Variants in C10orf143 observed in about 807,000 individuals in gnomAD.
The protein encoded by C10orf143 is chromosome 10 open reading frame 143.
At chr10:130,101,738 T>C (rs558105990) in intron 1 of C10orf143, among the ~76,000 whole-genome samples, 14 of 150,866 alleles carry the variant, frequency 9.3e-5, no homozygotes, top group Non-Finnish European at 2.1e-4. Flanking sequence ...CAAGCATCTG[T>C]AGTCCCAGCT....
At chr10:130,079,174 G>A (rs1362128397) in intron 3 of C10orf143, among the ~76,000 whole-genome samples, 1 of 152,150 alleles carries the variant, frequency 6.6e-6, no homozygotes, top group African/African-American at 2.4e-5. Flanking sequence ...GTTTATGATA[G>A]AAACATGCAA....
chr10:130,088,025 T>C (rs528943637), intron 1 of C10orf143, among the ~76,000 whole-genome samples: 4 of 152,216 alleles, frequency 2.6e-5, no homozygotes, highest in African/African-American at 9.6e-5. Context: ...ATTAAGCATA[T>C]GTATTACATG....
chr10:130,073,160 GT>G (rs1564960104), intron 3 of C10orf143, among the ~76,000 whole-genome samples: 2 of 152,272 alleles, frequency 1.3e-5, no homozygotes, highest in South Asian at 4.1e-4. Context: ...CTCCGTGGGG[GT>G]TGTTTTATCT....
In C10orf143 at chr10:130,093,469, C is replaced by A. The variant is rs1390794843; in HGVS notation, c.70-13568G>T. The stretch of plus-strand genomic sequence containing the variant: ...TGCCACAGGAGAAAGTGGGAAAGAT[C>A]AAAAATTGACATCCTACCATCACAA... On this transcript the variant is annotated intron_variant, in intron 1 of 3. Coordinates refer to ENST00000637128, the MANE Select transcript of C10orf143 (RefSeq NM_001355042.2). Among the ~76,000 whole-genome samples the A allele has an allele frequency of 3.3e-5, 5 of 152,176 alleles. No individual in the cohort carries two copies. The East Asian group carries it at 7.7e-4, about 24-fold the overall frequency.
intron 3 of C10orf143, among the ~76,000 whole-genome samples, chr10:130,078,817 T>C (rs1040350974): frequency 6.6e-6 from 1 of 152,176 alleles, no homozygotes; most frequent in African/African-American, 2.4e-5. Context: ...AATACATTTC[T>C]CTAAAGATCT....
intron 1 of C10orf143, among the ~76,000 whole-genome samples, chr10:130,109,962 A>G (rs1168535087): frequency 6.6e-6 from 1 of 152,088 alleles, no homozygotes; most frequent in Admixed American, 6.5e-5. Context: ...GCAGAGGTGG[A>G]AGATAAAATA....
chr10:130,043,308 C>T (rs911287585), intron 3 of C10orf143, among the ~76,000 whole-genome samples: 7 of 152,020 alleles, frequency 4.6e-5, no homozygotes, highest in Admixed American at 1.3e-4. Context: ...GAAGAGAACG[C>T]GTTAACATAT....
intron 3 of C10orf143, among the ~76,000 whole-genome samples, chr10:130,077,479 T>G (rs2764369): frequency 0.6 from 91,464 of 152,066 alleles, 28,227 homozygotes; most frequent in Admixed American, 0.71. Flanking sequence ...CATTAGGAAT[T>G]CCACACAAAC....
At chr10:130,107,404 C>A in intron 1 of C10orf143, 1 of 1,180,120 alleles carries the variant, frequency 8.5e-7, no homozygotes, top group Non-Finnish European at 1.3e-6. Context: ...AGATTATTTC[C>A]CATGAGAAAA....
chr10:130,106,744 C>T lies in C10orf143; in HGVS notation c.69+3960G>A, dbSNP rs753663063. 10 of 1,249,654 alleles carry T rather than the reference C, an allele frequency of 8.0e-6. 1 individual carries two copies. The highest frequency in any genetic ancestry group is 1.2e-5 in the Non-Finnish European group (10 of 852,390). 77.4% of individuals were successfully genotyped at this position (1,249,654 alleles called of 1,614,324 possible). On this transcript the variant is annotated intron_variant, in intron 1 of 3. Coordinates refer to ENST00000637128, the MANE Select transcript of C10orf143 (RefSeq NM_001355042.2). ...TTTTGCAAGAAGCTGAAGTATGGAA[C>T]GAACAAGTGAATGAACTTAATAAAC...
chr10:130,096,073 C>T (rs1378256951), intron 1 of C10orf143, among the ~76,000 whole-genome samples: 1 of 152,106 alleles, frequency 6.6e-6, no homozygotes, highest in Admixed American at 6.5e-5. Context: ...CCAGAATCTA[C>T]AAGGAACTTA....
intron 3 of C10orf143, among the ~76,000 whole-genome samples, chr10:130,045,579 C>G (rs1048997479): frequency 2.0e-5 from 3 of 152,218 alleles, no homozygotes; most frequent in African/African-American, 7.2e-5. Flanking sequence ...TCCAGACCTT[C>G]GTTCCGGGAA....
intron 1 of C10orf143, among the ~76,000 whole-genome samples, chr10:130,090,452 C>T (rs1055154263): frequency 2.6e-5 from 4 of 152,176 alleles, no homozygotes; most frequent in Admixed American, 2.6e-4. Flanking sequence ...CCTACACCAC[C>T]AGGGCCCTGG....
At chr10:130,108,398 A>C (rs766348335) in intron 1 of C10orf143, 9 of 979,870 alleles carry the variant, frequency 9.2e-6, no homozygotes, top group Admixed American at 1.7e-5. Context: ...TTCAGGGCTG[A>C]TTCCGCCTTC....
chr10:130,101,900 A>G (rs938596481), intron 1 of C10orf143, among the ~76,000 whole-genome samples: 94 of 148,052 alleles, frequency 6.3e-4, no homozygotes, highest in South Asian at 1.5e-3. Flanking sequence ...TTCAGAATAT[A>G]GAAGTTAAAA....
At chr10:130,096,654 G>C (rs1272265373) in intron 1 of C10orf143, among the ~76,000 whole-genome samples, 1 of 147,734 alleles carries the variant, frequency 6.8e-6, no homozygotes, top group Non-Finnish European at 1.5e-5. Flanking sequence ...GAGAACACAT[G>C]GACACAGGGA....
At chr10:130,036,833 A>C (rs549046882) in intron 3 of C10orf143, among the ~76,000 whole-genome samples, 1 of 150,244 alleles carries the variant, frequency 6.7e-6, no homozygotes, top group South Asian at 2.2e-4. Flanking sequence ...GGTGCCCAGC[A>C]GGTGGGCAGG....
intron 3 of C10orf143, among the ~76,000 whole-genome samples, chr10:130,074,790 C>A (rs1861088818): frequency 6.6e-6 from 1 of 152,100 alleles, no homozygotes; most frequent in African/African-American, 2.4e-5. Flanking sequence ...AAAATGCATC[C>A]ATTTAGAATC....
intron 1 of C10orf143, among the ~76,000 whole-genome samples, chr10:130,100,479 A>G (rs181289343): frequency 1.0e-3 from 155 of 152,254 alleles, no homozygotes; most frequent in African/African-American, 3.6e-3. Flanking sequence ...GCAGTGAGCT[A>G]CTGCACTCCA....
Sources: allele counts gnomAD v4.1 joint callset (sites outside exome capture counted in the v4.1 genomes callset), GRCh38; gene constraint gnomAD v4.1.1; transcripts MANE v1.5; gene names NCBI Gene and HGNC (gene_info 2026-07-23, HGNC 2026-07-21).